The following NCAM2 variants were observed in gnomAD, a reference collection of about 807,000 sequenced individuals.
NCAM2 encodes N-CAM-2.
A neutral mutation model predicts 98.1 loss-of-function variants in NCAM2; 30 were observed. The observed-to-expected ratio is 0.31, with a 90% CI of 0.23 to 0.41. The LOEUF (loss-of-function observed/expected upper bound fraction) is 0.41, where lower values mean the gene tolerates loss of function less well. Ranked by LOEUF, NCAM2 falls within the 10% of genes least tolerant of loss-of-function variation. NCAM2 has a pLI of 1.00. For synonymous variants in NCAM2, 368 were observed against 342.4 expected (o/e 1.07, Z -0.83); for missense variants, 867 against 1,005.8 (o/e 0.86, Z 1.87).
rs564338299 is a variant in NCAM2, at chr21:21,067,932, T to TA, written c.55+69321dup. Among the ~76,000 whole-genome samples, 547 of 152,024 alleles carry TA rather than the reference T, an allele frequency of 3.6e-3. 3 individuals carry two copies. The highest frequency in any genetic ancestry group is 0.013 in the African/African-American group (529 of 41,500). ...GCAGAGGAATTGGGTCAGGATACAT[T>TA]AAAAAAACTGAATTTCTTGTCTTCT... On this transcript the variant is annotated intron_variant, in intron 1 of 17. Coordinates refer to ENST00000400546, the MANE Select transcript of NCAM2 (RefSeq NM_004540.5).
chr21:21,347,212 G>C (rs1013854026), intron 8 of NCAM2, among the ~76,000 whole-genome samples: 1 of 151,876 alleles, frequency 6.6e-6, no homozygotes, highest in African/African-American at 2.4e-5. Context: ...GCAACTATAT[G>C]CCAATAAATT....
intron 1 of NCAM2, among the ~76,000 whole-genome samples, chr21:21,028,290 A>T (rs1047165138): frequency 1.3e-5 from 2 of 152,230 alleles, no homozygotes; most frequent in Non-Finnish European, 2.9e-5. Context: ...CTCATTAGCA[A>T]TGATGCAAGA....
chr21:21,002,402 A>G (rs1360485467), intron 1 of NCAM2, among the ~76,000 whole-genome samples: 1 of 152,144 alleles, frequency 6.6e-6, no homozygotes, highest in Non-Finnish European at 1.5e-5. Context: ...ACTTCATATG[A>G]TTTTGTAAAT....
chr21:21,096,606 T>C (rs2146469209), intron 1 of NCAM2, among the ~76,000 whole-genome samples: 1 of 151,912 alleles, frequency 6.6e-6, no homozygotes, highest in Non-Finnish European at 1.5e-5. Flanking sequence ...CTAGTATCAT[T>C]TATTATTGGT....
intron 1 of NCAM2, among the ~76,000 whole-genome samples, chr21:21,137,405 ATAAAG>A (rs1326934329): frequency 6.6e-6 from 1 of 152,222 alleles, no homozygotes; most frequent in Non-Finnish European, 1.5e-5. Context: ...ACATGTTCCT[ATAAAG>A]TATTCTAAAT....
intron 1 of NCAM2, among the ~76,000 whole-genome samples, chr21:21,179,759 C>T (rs928623066): frequency 3.3e-5 from 5 of 152,158 alleles, no homozygotes; most frequent in South Asian, 2.1e-4. Context: ...AGATGTAGGA[C>T]GTCATGGATT....
chr21:21,234,686 T>G (rs1387398122), intron 1 of NCAM2, among the ~76,000 whole-genome samples: 1 of 151,996 alleles, frequency 6.6e-6, no homozygotes, highest in African/African-American at 2.4e-5. Flanking sequence ...CCGGCATTAA[T>G]GACCTCTTAA....
Position 21,541,769 on chromosome 21 carries a change from A to G in NCAM2, c.*3812A>G, listed in dbSNP as rs561728565. The G allele has an allele frequency of 7.1e-4, 108 of 151,870 alleles. No homozygotes were observed. The highest frequency in any genetic ancestry group is 2.5e-3 in the African/African-American group (104 of 41,528). The allele number at this position is 151,870 out of a possible 1,614,324, so 9.4% of individuals were successfully genotyped here. A position where few individuals can be genotyped will look rare whatever the true frequency, so the allele number is the denominator to read the frequency against. On this transcript the variant is annotated 3_prime_UTR_variant, in exon 18 of 18. Coordinates refer to ENST00000400546, the MANE Select transcript of NCAM2 (RefSeq NM_004540.5). ...ATTATAATTATTTATGAGGTTCCCAATGTTGTTTTTCACAGAAAATAAGGT... is the reference window on the plus strand; with the variant it reads ...ATTATAATTATTTATGAGGTTCCCAGTGTTGTTTTTCACAGAAAATAAGGT...
chr21:21,538,493 T>C lies in NCAM2; in HGVS notation c.*536T>C, dbSNP rs1432162284. ...CAAAGAGCCAGTTATCTTTAGCAGA[T>C]ATTAAAAATTGAAAACTTTGGAGAA... is the stretch of plus-strand genomic sequence containing the variant. On this transcript the variant is annotated 3_prime_UTR_variant, in exon 18 of 18. Transcript: ENST00000400546. 1 of 152,590 alleles carries C rather than the reference T, an allele frequency of 6.6e-6. No homozygotes were observed. The highest frequency in any genetic ancestry group is 1.5e-5 in the Non-Finnish European group (1 of 68,018). The allele number at this position is 152,590 out of a possible 1,614,324, so 9.5% of individuals were successfully genotyped here.
intron 1 of NCAM2, among the ~76,000 whole-genome samples, chr21:21,205,415 C>T (rs2069401947): frequency 6.6e-6 from 1 of 151,982 alleles, no homozygotes; most frequent in East Asian, 1.9e-4. Context: ...ATTTTGGGGG[C>T]ATTCTGATGT....
At chr21:21,229,257 T>A (rs2070519425) in intron 1 of NCAM2, among the ~76,000 whole-genome samples, 1 of 151,518 alleles carries the variant, frequency 6.6e-6, no homozygotes, top group Non-Finnish European at 1.5e-5. Context: ...ATAACCTATG[T>A]TTGATTTGCT....
chr21:21,046,143 A>T (rs534775482), intron 1 of NCAM2, among the ~76,000 whole-genome samples: 1 of 152,202 alleles, frequency 6.6e-6, no homozygotes. Flanking sequence ...TCTGATCTCT[A>T]TAGCTGTTAC....
In NCAM2 at chr21:21,050,283, T is replaced by G. The variant is rs372788024; in HGVS notation, c.55+51665T>G. Among the ~76,000 whole-genome samples the G allele has an allele frequency of 6.8e-4, 104 of 152,324 alleles. 2 individuals carry two copies. The East Asian group carries it at 0.011, about 16-fold the overall frequency. On this transcript the variant is annotated intron_variant, in intron 1 of 17. Transcript: ENST00000400546. ...AGGATGCACTGGAGAAACTATCATT[T>G]TAGAACCCATGTAGTTCAAGTATGC...
At chr21:21,153,758 A>C (rs1230980144) in intron 1 of NCAM2, among the ~76,000 whole-genome samples, 1 of 151,910 alleles carries the variant, frequency 6.6e-6, no homozygotes, top group African/African-American at 2.4e-5. Flanking sequence ...TGATGGAGCT[A>C]TGATGGAAAA....
intron 1 of NCAM2, among the ~76,000 whole-genome samples, chr21:21,168,559 C>T (rs1377807624): frequency 6.6e-6 from 1 of 152,048 alleles, no homozygotes; most frequent in Admixed American, 6.6e-5. Context: ...GAATCAGCAA[C>T]AGAAACAACA....
intron 8 of NCAM2, among the ~76,000 whole-genome samples, chr21:21,351,262 TAACTC>T (rs1433811172): frequency 1.3e-5 from 2 of 152,092 alleles, no homozygotes; most frequent in African/African-American, 2.4e-5. Flanking sequence ...ATTTTAGTGA[TAACTC>T]AAATATTATT....
chr21:21,408,441 A>T (rs1197943041), intron 9 of NCAM2, among the ~76,000 whole-genome samples: 1 of 152,138 alleles, frequency 6.6e-6, no homozygotes, highest in Non-Finnish European at 1.5e-5. Flanking sequence ...CTTTTATAAT[A>T]TTTATAATTA....
intron 1 of NCAM2, among the ~76,000 whole-genome samples, chr21:21,259,906 A>C (rs1601792634): frequency 7.2e-6 from 1 of 139,322 alleles, no homozygotes; most frequent in Non-Finnish European, 1.5e-5. Context: ...ACATCCAAAT[A>C]AAAATAAGAA....
intron 1 of NCAM2, chr21:21,239,556 A>G (rs980916675): frequency 1.3e-5 from 2 of 152,202 alleles, no homozygotes; most frequent in African/African-American, 4.8e-5. Context: ...TGAAGGTATT[A>G]TATACATCAC....
Sources: allele counts gnomAD v4.1 joint callset (sites outside exome capture counted in the v4.1 genomes callset), GRCh38; gene constraint gnomAD v4.1.1; transcripts MANE v1.5; gene names NCBI Gene and HGNC (gene_info 2026-07-23, HGNC 2026-07-21).